NAA60: variants seen among roughly 807,000 people sequenced by gnomAD.
NAA60 encodes the protein N-alpha-acetyltransferase 60.
A neutral mutation model predicts 26.1 loss-of-function variants in NAA60; 8 were observed. The observed-to-expected ratio is 0.31, with a 90% CI of 0.18 to 0.55. NAA60 has a LOEUF of 0.55. Among genes scored for constraint, NAA60 ranks in the 20% least tolerant of loss-of-function variants. The pLI is 0.93. For synonymous variants in NAA60, 131 were observed against 122.5 expected (o/e 1.07, Z -0.46); for missense variants, 290 against 311.3 (o/e 0.93, Z 0.51).
intron 2 of NAA60, 111 bp from the exon 3 acceptor site, chr16:3,476,111 G>C: frequency 1.3e-6 from 1 of 741,078 alleles, no homozygotes; most frequent in Non-Finnish European, 2.2e-6. Context: ...TGGCTGAGGG[G>C]TGTCCACCCG....
chr16:3,446,573 A>G (rs994268848), intron 1 of NAA60, among the ~76,000 whole-genome samples: 1 of 149,514 alleles, frequency 6.7e-6, no homozygotes, highest in Non-Finnish European at 1.5e-5. Context: ...AAATGGCAAC[A>G]CATTCCTGTC....
intron 2 of NAA60, among the ~76,000 whole-genome samples, chr16:3,450,654 C>G (rs1454513714): frequency 7.4e-6 from 1 of 134,940 alleles, no homozygotes; most frequent in Admixed American, 8.9e-5. Flanking sequence ...GAGCCGAGAT[C>G]GTGCCACTGC....
upstream of NAA60, chr16:3,443,669 A>G: frequency 7.3e-7 from 1 of 1,368,066 alleles, no homozygotes; most frequent in South Asian, 1.6e-5. Flanking sequence ...CTTTTCTCTA[A>G]GCAACCATTT....
chr16:3,443,614 C>T, upstream of NAA60: 2 of 819,866 alleles, frequency 2.4e-6, no homozygotes, highest in South Asian at 2.2e-5. Flanking sequence ...ACACCTTAAC[C>T]GAGGACCTGT....
intron 2 of NAA60, among the ~76,000 whole-genome samples, chr16:3,468,723 C>T (rs2035923793): frequency 6.6e-6 from 1 of 152,214 alleles, no homozygotes; most frequent in Non-Finnish European, 1.5e-5. Flanking sequence ...AGGAGGCCAG[C>T]CAGGAGAGAT....
intron 2 of NAA60, among the ~76,000 whole-genome samples, chr16:3,455,153 G>C (rs2034927356): frequency 6.6e-6 from 1 of 152,088 alleles, no homozygotes; most frequent in East Asian, 1.9e-4. Context: ...CCGGGTTCAA[G>C]CCATTCTCAT....
intron 2 of NAA60, among the ~76,000 whole-genome samples, chr16:3,473,988 C>T (rs2036316488): frequency 6.6e-6 from 1 of 152,126 alleles, no homozygotes; most frequent in Non-Finnish European, 1.5e-5. Flanking sequence ...CCAGCCTTGG[C>T]CTTCCAAAGT....
rs1023814445 is a variant in NAA60 at position 3,486,024 on chromosome 16, G to C, written c.*764G>C. On this transcript the variant is annotated 3_prime_UTR_variant, in exon 8 of 8. Transcript: ENST00000407558. ...TGACCTGCTGAGGACAGGCATCGCCGAGACTCCTTGGGTCCTCCCCGCCCT... is the reference window on the plus strand; with the variant it reads ...TGACCTGCTGAGGACAGGCATCGCCCAGACTCCTTGGGTCCTCCCCGCCCT... 3 of 238,184 alleles carry C rather than the reference G, an allele frequency of 1.3e-5. No homozygotes were observed. The highest frequency in any genetic ancestry group is 4.6e-5 in the African/African-American group (2 of 43,490). The allele number at this position is 238,184 out of a possible 1,614,324, so 14.8% of individuals were successfully genotyped here. A position where few individuals can be genotyped will look rare whatever the true frequency, so the allele number is the denominator to read the frequency against.
chr16:3,448,326 G>T (rs1011657141), intron 1 of NAA60, 145 bp from the exon 2 acceptor site: 1 of 547,802 alleles, frequency 1.8e-6, no homozygotes, highest in Non-Finnish European at 3.2e-6. Context: ...AGAACTACAT[G>T]TTTAGATAGT....
intron 2 of NAA60, 79 bp downstream of exon 2, chr16:3,448,619 T>C: frequency 8.3e-7 from 1 of 1,211,352 alleles, no homozygotes; most frequent in Non-Finnish European, 1.2e-6. Context: ...AAATCCATTT[T>C]TGACCTGTCA....
intron 2 of NAA60, among the ~76,000 whole-genome samples, chr16:3,465,163 A>T (rs1377699242): frequency 1.3e-5 from 2 of 151,234 alleles, no homozygotes; most frequent in Non-Finnish European, 2.9e-5. Context: ...GCTACTCGGG[A>T]GGCTGAGACA....
At chr16:3,476,706 C>T (rs562292331) in intron 3 of NAA60, among the ~76,000 whole-genome samples, 1 of 151,858 alleles carries the variant, frequency 6.6e-6, no homozygotes, top group Non-Finnish European at 1.5e-5. Flanking sequence ...CAATATTATT[C>T]AGCCGGGAAA....
chr16:3,478,088 T>TAATAAAAAA (rs543097524), intron 3 of NAA60, among the ~76,000 whole-genome samples: 2 of 150,096 alleles, frequency 1.3e-5, no homozygotes, highest in Admixed American at 1.3e-4. Context: ...ATAATAATAA[T>TAATAAAAAA]AAATAGGCCT....
At chr16:3,483,313 C>A in intron 5 of NAA60, 50 bp from the exon 6 acceptor site, 1 of 1,398,170 alleles carries the variant, frequency 7.2e-7, no homozygotes. Flanking sequence ...CCCAGTCATC[C>A]TTCCTTCCTA....
intron 3 of NAA60, among the ~76,000 whole-genome samples, chr16:3,477,424 G>T (rs1186391335): frequency 6.6e-6 from 1 of 152,254 alleles, no homozygotes; most frequent in African/African-American, 2.4e-5. Flanking sequence ...GCAGGGCGGT[G>T]GCAGGGACCC....
In NAA60 at chr16:3,485,054, C is replaced by T. The variant is rs1463952714; in HGVS notation, c.*199C>T. 13 of 1,478,354 alleles carry T rather than the reference C, an allele frequency of 8.8e-6. No homozygotes were observed. The highest frequency in any genetic ancestry group is 1.4e-5 in the African/African-American group (1 of 71,672). 91.6% of individuals were successfully genotyped at this position (1,478,354 alleles called of 1,614,324 possible). ...TGGGCATGCGCAGAGCATGCCCATCCGTGGCAGGTACGCCACAGCAGACAC... is the reference window on the plus strand; with the variant it reads ...TGGGCATGCGCAGAGCATGCCCATCTGTGGCAGGTACGCCACAGCAGACAC... On this transcript the variant is annotated 3_prime_UTR_variant, in exon 7 of 8. Coordinates refer to ENST00000407558, the MANE Select transcript of NAA60 (RefSeq NM_001083601.3).
chr16:3,454,402 G>T (rs2034896279), intron 2 of NAA60, among the ~76,000 whole-genome samples: 1 of 152,190 alleles, frequency 6.6e-6, no homozygotes, highest in African/African-American at 2.4e-5. Flanking sequence ...GCGATAATAT[G>T]CTGGAAGAGG....
At chr16:3,445,923 C>A (rs1006271468) in intron 1 of NAA60, among the ~76,000 whole-genome samples, 2 of 152,112 alleles carry the variant, frequency 1.3e-5, no homozygotes, top group Non-Finnish European at 1.5e-5. Context: ...CATACAAAGT[C>A]CAAGATAGAC....
intron 6 of NAA60, 87 bp from the exon 7 acceptor site, chr16:3,484,611 TC>T: frequency 6.7e-7 from 1 of 1,501,726 alleles, no homozygotes; most frequent in Non-Finnish European, 9.0e-7. Context: ...CTGCACACAG[TC>T]CCACAGGCCA....
Sources: gnomAD v4.1 joint callset for allele counts (sites outside exome capture counted in the v4.1 genomes callset) on GRCh38, gnomAD v4.1.1 for gene constraint, MANE v1.5 for transcripts, NCBI Gene and HGNC (gene_info 2026-07-23, HGNC 2026-07-21) for gene names.